Variants in CCDC6 observed in about 807,000 individuals in gnomAD.
CCDC6 encodes the protein coiled-coil domain-containing protein 6.
CCDC6 carries 20 observed loss-of-function variants against 56.6 expected under a neutral mutation model. The ratio of observed to expected loss-of-function variants is 0.35; its 90% CI spans 0.25 to 0.51. The LOEUF (loss-of-function observed/expected upper bound fraction) is 0.51. CCDC6 is among the 20% of genes least tolerant of loss of function. CCDC6 has a pLI of 0.95. For synonymous variants in CCDC6, 241 were observed against 234.4 expected, an observed-to-expected ratio of 1.03 and a Z score of -0.26; for missense variants, 367 against 601.1, an observed-to-expected ratio of 0.61 and a Z score of 4.07.
chr10:59,794,392 G>A, intron 8 of CCDC6, 81 bp downstream of exon 8: 1 of 1,434,834 alleles, frequency 7.0e-7, no homozygotes, highest in Admixed American at 1.8e-5. Context: ...AATGTCTAAG[G>A]GCACCGATCC....
At chr10:59,800,405 G>C (rs1459942397) in intron 7 of CCDC6, among the ~76,000 whole-genome samples, 3 of 152,128 alleles carry the variant, frequency 2.0e-5, no homozygotes, top group African/African-American at 7.2e-5. Flanking sequence ...TCATATAGTA[G>C]GTAACCCTTT....
intron 8 of CCDC6, 142 bp from the exon 9 acceptor site, chr10:59,793,253 T>C: frequency 1.5e-6 from 1 of 657,992 alleles, no homozygotes; most frequent in East Asian, 2.8e-5. Context: ...TCATCCCTAC[T>C]GGTTTCTGAA....
At chr10:59,794,379 G>T in intron 8 of CCDC6, 94 bp downstream of exon 8, 1 of 1,270,632 alleles carries the variant, frequency 7.9e-7, no homozygotes. Flanking sequence ...AGGAAGAAGG[G>T]CAAATGTCTA....
intron 1 of CCDC6, among the ~76,000 whole-genome samples, chr10:59,865,976 C>T (rs1243143057): frequency 6.6e-6 from 1 of 151,982 alleles, no homozygotes; most frequent in African/African-American, 2.4e-5. Context: ...CTGACATGGG[C>T]AGGGTGAACC....
intron 2 of CCDC6, among the ~76,000 whole-genome samples, chr10:59,839,951 G>T (rs898871172): frequency 6.6e-6 from 1 of 152,052 alleles, no homozygotes; most frequent in African/African-American, 2.4e-5. Context: ...TCAGCCTCCC[G>T]AGTAGCTGGA....
rs113479903 is a variant in CCDC6 at position 59,826,069 on chromosome 10, T to G, written c.582+6456A>C. 1.2e-3 allele frequency among the ~76,000 whole-genome samples: 186 copies of G among 152,256 alleles called. 2 individuals are homozygous for G. The highest frequency in any genetic ancestry group is 4.3e-3 in the African/African-American group (179 of 41,546). On this transcript the variant is annotated intron_variant, in intron 3 of 8. Coordinates refer to ENST00000263102, the MANE Select transcript of CCDC6 (RefSeq NM_005436.5). Reference sequence around the variant, plus strand: ...AAGTCATCCAGTGTCATCTAGTGGCTGAAGATAATCACTGAACATGGTTAG... The same window carrying G: ...AAGTCATCCAGTGTCATCTAGTGGCGGAAGATAATCACTGAACATGGTTAG...
In CCDC6 at chr10:59,791,817, T is replaced by C. The variant is rs1325153273; in HGVS notation, c.*1100A>G. On this transcript the variant is annotated 3_prime_UTR_variant, in exon 9 of 9. Coordinates refer to ENST00000263102, the MANE Select transcript of CCDC6 (RefSeq NM_005436.5). ...GAATGGAAATAATGTATTCAGAATA[T>C]ACTTCTTTGTACACTGCACTTGCTT... The C allele has an allele frequency of 2.8e-5, 6 of 216,394 alleles. No homozygotes were observed. Among genetic ancestry groups the C allele is most frequent in the Non-Finnish European group, 5.6e-5 (6 of 107,198 alleles). The allele number at this position is 216,394 out of a possible 1,614,324, so 13.4% of individuals were successfully genotyped here. A position where few individuals can be genotyped will look rare whatever the true frequency, so the allele number is the denominator to read the frequency against.
intron 2 of CCDC6, among the ~76,000 whole-genome samples, chr10:59,834,222 C>T (rs2070859915): frequency 1.3e-5 from 2 of 151,930 alleles, no homozygotes; most frequent in South Asian, 4.2e-4. Flanking sequence ...AAAACACATA[C>T]TCAGTTTAAG....
intron 1 of CCDC6, among the ~76,000 whole-genome samples, chr10:59,901,225 CAAAGTTGTGTCT>C (rs1384045271): frequency 6.6e-6 from 1 of 152,238 alleles, no homozygotes; most frequent in African/African-American, 2.4e-5. Flanking sequence ...ATATTTTCCT[CAAAGTTGTGTCT>C]AAAGTTGTGT....
intron 1 of CCDC6, among the ~76,000 whole-genome samples, chr10:59,892,836 C>T (rs1392253963): frequency 6.6e-6 from 1 of 152,104 alleles, no homozygotes; most frequent in Non-Finnish European, 1.5e-5. Context: ...GTAGCCAGAA[C>T]CTAATTAATA....
chr10:59,863,163 A>G (rs2071148345), intron 1 of CCDC6, among the ~76,000 whole-genome samples: 2 of 152,184 alleles, frequency 1.3e-5, no homozygotes, highest in African/African-American at 4.8e-5. Flanking sequence ...TTGCTTAGAG[A>G]TAACTTATGA....
intron 8 of CCDC6, among the ~76,000 whole-genome samples, chr10:59,793,774 G>GAAA (rs11421511): frequency 6.9e-5 from 10 of 144,026 alleles, no homozygotes; most frequent in Admixed American, 1.4e-4. Flanking sequence ...ACAGAGTGAG[G>GAAA]AAAAAAAAAA....
At chr10:59,857,232 C>CA (rs894412404) in intron 1 of CCDC6, among the ~76,000 whole-genome samples, 4 of 151,970 alleles carry the variant, frequency 2.6e-5, no homozygotes, top group Admixed American at 1.3e-4. Flanking sequence ...AAATAAACAC[C>CA]AAAAAAATTA....
chr10:59,883,102 G>A (rs1041285491), intron 1 of CCDC6, among the ~76,000 whole-genome samples: 5 of 152,138 alleles, frequency 3.3e-5, no homozygotes, highest in Non-Finnish European at 7.3e-5. Flanking sequence ...GTGAGTCCCA[G>A]GGACTTGGAA....
intron 1 of CCDC6, among the ~76,000 whole-genome samples, chr10:59,856,948 G>A (rs2071084760): frequency 6.6e-6 from 1 of 152,134 alleles, no homozygotes; most frequent in South Asian, 2.1e-4. Context: ...ACGGTAGACT[G>A]GGAAAATCTG....
intron 1 of CCDC6, among the ~76,000 whole-genome samples, chr10:59,890,444 T>C (rs911499749): frequency 6.6e-5 from 10 of 152,108 alleles, no homozygotes; most frequent in Non-Finnish European, 2.9e-5. Flanking sequence ...GACAGCAACC[T>C]GATCTCAGGT....
chr10:59,842,033 C>T (rs2132649912), intron 2 of CCDC6, among the ~76,000 whole-genome samples: 1 of 151,392 alleles, frequency 6.6e-6, no homozygotes. Context: ...GTTTGGGCAG[C>T]CTTTTTGTAA....
At chr10:59,827,346 G>A (rs2070796305) in intron 3 of CCDC6, among the ~76,000 whole-genome samples, 1 of 152,200 alleles carries the variant, frequency 6.6e-6, no homozygotes, top group Non-Finnish European at 1.5e-5. Context: ...AGTCATCACA[G>A]TGACACATAC....
At chr10:59,878,347 C>T (rs2071302202) in intron 1 of CCDC6, among the ~76,000 whole-genome samples, 1 of 152,302 alleles carries the variant, frequency 6.6e-6, no homozygotes, top group South Asian at 2.1e-4. Flanking sequence ...ATTTCATCTA[C>T]TTGAATTGGT....
Sources: gnomAD v4.1 joint callset for allele counts (sites outside exome capture counted in the v4.1 genomes callset) on GRCh38, gnomAD v4.1.1 for gene constraint, MANE v1.5 for transcripts, NCBI Gene and HGNC (gene_info 2026-07-23, HGNC 2026-07-21) for gene names.